The following CDH2 variants were observed in gnomAD, a reference collection of about 807,000 sequenced individuals.
CDH2 encodes the protein cadherin 2.
In CDH2, 17 loss-of-function variants were observed where a neutral mutation model predicts 92.0. That is an observed-to-expected ratio of 0.18 (90% CI 0.13 to 0.28). CDH2 has a LOEUF of 0.28. CDH2 is among the 10% of genes least tolerant of loss of function. CDH2 has a pLI of 1.00. For missense variants in CDH2, 862 were observed against 1,133.1 expected (o/e 0.76, Z 3.44); for synonymous variants, 419 against 415.9 (o/e 1.01, Z -0.09).
intron 1 of CDH2, among the ~76,000 whole-genome samples, chr18:28,159,937 G>A (rs1169898615): frequency 3.3e-5 from 5 of 152,162 alleles, no homozygotes; most frequent in African/African-American, 9.7e-5. Context: ...GATTACAGGC[G>A]TGAGCCACCA....
In CDH2 at chr18:28,098,287, A is replaced by G. The variant is rs2015169791; in HGVS notation, c.172+49386T>C. ...AAAAATGCATTAAAGAGGAAACTCA[A>G]TTTTTGAAAAAATAAAATAACTGGA... On this transcript the variant is annotated intron_variant, in intron 2 of 15. Coordinates refer to ENST00000269141, the MANE Select transcript of CDH2 (RefSeq NM_001792.5). Among the ~76,000 whole-genome samples the G allele has an allele frequency of 2.0e-5, 3 of 152,188 alleles. No individual in the cohort carries two copies. In the South Asian group the frequency reaches 6.2e-4, roughly 32 times the overall value.
chr18:27,980,790 G>C (rs1305693867), intron 14 of CDH2, among the ~76,000 whole-genome samples: 8 of 143,810 alleles, frequency 5.6e-5, no homozygotes, highest in Admixed American at 2.7e-4. Context: ...AGTTTGGCTG[G>C]GGTCAAAAAA....
intron 11 of CDH2, among the ~76,000 whole-genome samples, chr18:27,986,420 A>T (rs540903036): frequency 1.3e-5 from 2 of 151,910 alleles, no homozygotes; most frequent in South Asian, 4.2e-4. Flanking sequence ...ATGGCCACAC[A>T]CTCTTGTAAG....
chr18:27,993,305 C>G (rs901709813), intron 8 of CDH2, among the ~76,000 whole-genome samples, 195 bp downstream of exon 8: 2 of 152,304 alleles, frequency 1.3e-5, no homozygotes, highest in Middle Eastern at 3.4e-3. Context: ...TAACAGTGGA[C>G]TTGAAGACTA....
intron 2 of CDH2, chr18:28,045,420 T>G (rs1204372960): frequency 2.1e-6 from 1 of 468,850 alleles, no homozygotes; most frequent in South Asian, 1.6e-5. Context: ...CTCCTTTGAG[T>G]GTTACACATG....
At chr18:28,153,232 T>C (rs2016153251) in intron 1 of CDH2, among the ~76,000 whole-genome samples, 1 of 152,156 alleles carries the variant, frequency 6.6e-6, no homozygotes, top group Admixed American at 6.5e-5. Flanking sequence ...GTGATTTATG[T>C]TGAGCTTGTA....
At position 28,002,242 on chromosome 18, in the gene CDH2, G is replaced by T. The variant is rs544781463; in HGVS notation, c.1020+755C>A. 2.6e-5 allele frequency among the ~76,000 whole-genome samples: 4 copies of T among 152,256 alleles called. No individual in the cohort carries two copies. In the East Asian group the frequency reaches 7.7e-4, roughly 29 times the overall value. On this transcript the variant is annotated intron_variant, in intron 7 of 15. Transcript: ENST00000269141. ...GGTGCAAGGCATGCCTGGCCAAGGG[G>T]ATCACATGTACAAAAACACAGGGGT...
At chr18:28,029,280 A>C (rs1301023129) in intron 2 of CDH2, among the ~76,000 whole-genome samples, 1 of 152,194 alleles carries the variant, frequency 6.6e-6, no homozygotes, top group East Asian at 1.9e-4. Context: ...TAGTAACATA[A>C]CAATAATAAA....
At chr18:28,145,246 G>A (rs1568015876) in intron 2 of CDH2, among the ~76,000 whole-genome samples, 1 of 152,088 alleles carries the variant, frequency 6.6e-6, no homozygotes, top group Non-Finnish European at 1.5e-5. Flanking sequence ...AGCATCCAGA[G>A]TTAGGAGTTA....
intron 2 of CDH2, among the ~76,000 whole-genome samples, chr18:28,110,363 C>T (rs1010514999): frequency 6.6e-6 from 1 of 152,096 alleles, no homozygotes; most frequent in Non-Finnish European, 1.5e-5. Flanking sequence ...TGAGTTAAGG[C>T]CAGGAGTAAG....
At chr18:28,145,089 C>T (rs1482657503) in intron 2 of CDH2, among the ~76,000 whole-genome samples, 1 of 152,036 alleles carries the variant, frequency 6.6e-6, no homozygotes, top group African/African-American at 2.4e-5. Context: ...TTGGAAAAAT[C>T]ATCAGCGTTC....
chr18:28,078,725 T>C (rs546201487), intron 2 of CDH2, among the ~76,000 whole-genome samples: 15 of 152,070 alleles, frequency 9.9e-5, no homozygotes, highest in African/African-American at 3.6e-4. Context: ...GAAAAACTTC[T>C]ACTTACCTTT....
At chr18:28,036,659 A>G (rs1599052801) in intron 2 of CDH2, 1 of 757,988 alleles carries the variant, frequency 1.3e-6, no homozygotes, top group East Asian at 2.5e-5. Flanking sequence ...GGAAATGCCG[A>G]TGCAGCTTTT....
At chr18:28,111,775 T>C (rs562896402) in intron 2 of CDH2, among the ~76,000 whole-genome samples, 2 of 152,270 alleles carry the variant, frequency 1.3e-5, no homozygotes, top group African/African-American at 2.4e-5. Context: ...AGGGAAAGAT[T>C]AAGAGCTTGA....
intron 2 of CDH2, among the ~76,000 whole-genome samples, chr18:28,035,392 G>T (rs545239458): frequency 6.6e-6 from 1 of 152,026 alleles, no homozygotes; most frequent in Middle Eastern, 3.4e-3. Flanking sequence ...AAGCAACTTT[G>T]CTGAATATCT....
chr18:28,162,943 C>G (rs752969806), intron 1 of CDH2, among the ~76,000 whole-genome samples: 12 of 152,170 alleles, frequency 7.9e-5, no homozygotes, highest in Admixed American at 3.9e-4. Context: ...AAATATTAAT[C>G]CCCTGTGTCG....
downstream of CDH2, among the ~76,000 whole-genome samples, chr18:27,948,125 A>G (rs915011289): frequency 1.3e-5 from 2 of 150,852 alleles, no homozygotes; most frequent in African/African-American, 2.4e-5. Context: ...GAAAACAGAT[A>G]TAAGTGATAT....
intron 2 of CDH2, among the ~76,000 whole-genome samples, chr18:28,079,818 AC>A (rs992552339): frequency 1.3e-4 from 20 of 151,484 alleles, no homozygotes; most frequent in Non-Finnish European, 2.1e-4. Flanking sequence ...GGTAAATTCC[AC>A]CCCCCCTCAG....
chr18:28,025,527 T>A (rs114614483), intron 2 of CDH2, among the ~76,000 whole-genome samples: 13,640 of 148,130 alleles, frequency 0.092, 1,490 homozygotes, highest in African/African-American at 0.27. Flanking sequence ...AGAAAAAAAA[T>A]AATAATAATA....
Sources: gnomAD v4.1 joint callset for allele counts (sites outside exome capture counted in the v4.1 genomes callset) on GRCh38, gnomAD v4.1.1 for gene constraint, MANE v1.5 for transcripts, NCBI Gene and HGNC (gene_info 2026-07-23, HGNC 2026-07-21) for gene names.